The following DSG2 variants were observed in gnomAD, a reference collection of about 807,000 sequenced individuals.
The protein encoded by DSG2 is desmoglein 2.
DSG2 carries 45 observed loss-of-function variants against 75.6 expected under a neutral mutation model. That is an observed-to-expected ratio of 0.60 (90% CI 0.47 to 0.76). The LOEUF is 0.76. DSG2 is among the 30% of genes least tolerant of loss of function. The probability of loss-of-function intolerance (pLI) is 0.00; values close to 1 mark genes in which losing one functional copy is unlikely to be tolerated. For synonymous variants in DSG2, 429 were observed against 483.9 expected, an observed-to-expected ratio of 0.89 and a Z score of 1.49; for missense variants, 1,267 against 1,357.4, an observed-to-expected ratio of 0.93 and a Z score of 1.05.
rs576404380 is a variant in DSG2, at chr18:31,535,365, A to G, written c.1376A>G (p.Tyr459Cys). 853 of 1,612,140 alleles carry G rather than the reference A, an allele frequency of 5.3e-4. 20 individuals carry two copies. The South Asian group carries it at 9.0e-3, about 17-fold the overall frequency. Residue 459 changes from tyrosine (Y) to cysteine (C), a missense_variant, in exon 10 of 15, where the codon TAT (tyrosine) becomes TGT (cysteine). Tyr to Cys is a radical substitution (Grantham distance 194). Transcript: ENST00000261590. Reference protein sequence around the residue: ...LAKLPDFESRYVQNGTYTVKI... With the variant: ...LAKLPDFESRCVQNGTYTVKI... ...AAACTTCCTGATTTTGAATCTAGATATGTTCAAAATGGCACATACACTGTA... is the reference window on the plus strand; with the variant it reads ...AAACTTCCTGATTTTGAATCTAGATGTGTTCAAAATGGCACATACACTGTA...
intron 1 of DSG2, among the ~76,000 whole-genome samples, chr18:31,511,194 C>G (rs979321633): frequency 1.3e-5 from 2 of 152,186 alleles, no homozygotes; most frequent in African/African-American, 4.8e-5. Flanking sequence ...GTGTCTTAAC[C>G]TCGGCACTTG....
intron 3 of DSG2, 74 bp from the exon 4 acceptor site, chr18:31,520,729 G>A (rs557081887): frequency 6.7e-7 from 1 of 1,482,750 alleles, no homozygotes. Flanking sequence ...TCACTTCTTA[G>A]GCTTTTGGCT....
At position 31,522,121 on chromosome 18, in the gene DSG2, G is replaced by A. The variant is rs763948986; in HGVS notation, c.562G>A (p.Glu188Lys). The A allele has an allele frequency of 8.1e-6, 13 of 1,613,718 alleles. No individual in the cohort carries two copies. The highest frequency in any genetic ancestry group is 1.1e-5 in the Non-Finnish European group (13 of 1,179,832). Reference protein sequence around the residue: ...VMKINATDADEPNTLNSKISY... With the variant: ...VMKINATDADKPNTLNSKISY... ...GAAAATCAATGCAACAGATGCAGAT[G>A]AGCCCAATACCCTGAATTCGAAAAT... is the stretch of plus-strand genomic sequence containing the variant. Residue 188 changes from glutamate (E) to lysine (K), a missense_variant, in exon 6 of 15, where the codon GAG becomes AAG. By Grantham distance (56) the Glu-to-Lys change is moderately conservative. Transcript: ENST00000261590.
In DSG2 at chr18:31,535,933, G is replaced by A. The variant is rs540618291; in HGVS notation, c.1424-269G>A. On this transcript the variant is annotated intron_variant, in intron 10 of 14. Transcript: ENST00000261590. ...ACACCATCTTCAAAAAAAAATTGAG[G>A]GGTAGATAAAATTTAAAAATAGATG... Among the ~76,000 whole-genome samples the A allele has an allele frequency of 3.6e-3, 544 of 151,986 alleles. 1 individual carries two copies. Among genetic ancestry groups the A allele is most frequent in the Non-Finnish European group, 5.5e-3 (372 of 67,960 alleles).
intron 14 of DSG2, among the ~76,000 whole-genome samples, chr18:31,545,013 AG>A (rs2073295397): frequency 6.6e-6 from 1 of 152,156 alleles, no homozygotes; most frequent in South Asian, 2.1e-4. Context: ...CCCACCTTCA[AG>A]TATTAGCTTA....
intron 7 of DSG2, 54 bp downstream of exon 7, chr18:31,524,639 T>G: frequency 1.2e-6 from 2 of 1,601,296 alleles, no homozygotes; most frequent in Non-Finnish European, 8.5e-7. Flanking sequence ...TCAGTCCTAA[T>G]TAAAAATATA....
At chr18:31,545,635 A>G in intron 14 of DSG2, 86 bp from the exon 15 acceptor site, 4 of 1,465,746 alleles carry the variant, frequency 2.7e-6, no homozygotes, top group Non-Finnish European at 2.8e-6. Context: ...CATTTTGAAC[A>G]GGAATATAGA....
rs531272575 is a variant in DSG2, at chr18:31,548,276, G to A, written c.*1533G>A. The stretch of plus-strand genomic sequence containing the variant: ...CTAGAAACAATGTTTCAAAATATAT[G>A]TGCATTATCAGTAATAATTTGTATA... On this transcript the variant is annotated 3_prime_UTR_variant, in exon 15 of 15. Coordinates refer to ENST00000261590, the MANE Select transcript of DSG2 (RefSeq NM_001943.5). The A allele has an allele frequency of 6.6e-6, 1 of 152,240 alleles. No individual in the cohort carries two copies. The highest frequency in any genetic ancestry group is 2.1e-4 in the South Asian group (1 of 4,830). 9.4% of individuals were successfully genotyped at this position (152,240 alleles called of 1,614,324 possible).
In DSG2 at chr18:31,526,649, G is replaced by A. The variant is rs12327220; in HGVS notation, c.1014+1761G>A. 3.6e-3 allele frequency among the ~76,000 whole-genome samples: 548 copies of A among 152,048 alleles called. 2 individuals carry two copies. Among genetic ancestry groups the A allele is most frequent in the African/African-American group, 0.012 (517 of 41,486 alleles). On this transcript the variant is annotated intron_variant, in intron 8 of 14. Coordinates refer to ENST00000261590, the MANE Select transcript of DSG2 (RefSeq NM_001943.5). ...TGAGATAGAAAAGCCAATTATACAC[G>A]CAAGGAGAAACAGTCAGATATTGAT...
At chr18:31,519,441 G>A (rs2073113879) in intron 2 of DSG2, among the ~76,000 whole-genome samples, 1 of 152,134 alleles carries the variant, frequency 6.6e-6, no homozygotes, top group Admixed American at 6.5e-5. Flanking sequence ...GTGCATGCCT[G>A]TAATCCCAGC....
intron 1 of DSG2, among the ~76,000 whole-genome samples, chr18:31,512,371 A>G (rs1410661701): frequency 6.6e-6 from 1 of 152,106 alleles, no homozygotes; most frequent in Non-Finnish European, 1.5e-5. Flanking sequence ...AACACTGGAG[A>G]TATCTACTTT....
At chr18:31,509,383 T>C (rs1482964820) in intron 1 of DSG2, among the ~76,000 whole-genome samples, 3 of 152,110 alleles carry the variant, frequency 2.0e-5, no homozygotes, top group African/African-American at 7.2e-5. Context: ...TTTATTATTA[T>C]CTAAAGTTCA....
intron 1 of DSG2, among the ~76,000 whole-genome samples, chr18:31,506,227 G>A (rs1292456790): frequency 1.3e-5 from 2 of 152,070 alleles, no homozygotes; most frequent in African/African-American, 4.8e-5. Flanking sequence ...AGGCATCATC[G>A]TGAATTCCCC....
intron 14 of DSG2, chr18:31,543,112 T>G: frequency 5.6e-6 from 2 of 359,492 alleles, no homozygotes. Context: ...AGTTATGTTT[T>G]TGCCAGTCAG....
Position 31,541,289 on chromosome 18 carries a change from A to T in DSG2, c.1976A>T (p.Asn659Ile), listed in dbSNP as rs747767583. The T allele has an allele frequency of 6.2e-7, 1 of 1,614,100 alleles. No individual in the cohort carries two copies. Among genetic ancestry groups the T allele is most frequent in the Admixed American group, 1.7e-5 (1 of 60,018 alleles). ...GTIEMLHPWN[N>I]EGAPPEDKVV... ...ATAGAGATGCTGCATCCTTGGAATAATGAAGGAGCACCACCTGAAGACAAG... is the reference window on the plus strand; with the variant it reads ...ATAGAGATGCTGCATCCTTGGAATATTGAAGGAGCACCACCTGAAGACAAG... Residue 659 changes from asparagine to isoleucine, a missense_variant, in exon 13 of 15, where the codon AAT (asparagine) becomes ATT (isoleucine). Transcript: ENST00000261590.
At chr18:31,524,961 T>C (rs1598813225) in intron 8 of DSG2, 73 bp downstream of exon 8, 1 of 1,422,004 alleles carries the variant, frequency 7.0e-7, no homozygotes, top group East Asian at 2.3e-5. Context: ...TTTTGAGCCC[T>C]GAACACTTAA....
chr18:31,536,181 T>G (rs1270415099), intron 10 of DSG2, 21 bp from the exon 11 acceptor site: 12 of 1,610,614 alleles, frequency 7.5e-6, no homozygotes, highest in Non-Finnish European at 1.0e-5. Context: ...ATGTACATAC[T>G]TTTTCTCTCT....
At chr18:31,536,940 G>A (rs1194405174) in intron 11 of DSG2, among the ~76,000 whole-genome samples, 1 of 152,130 alleles carries the variant, frequency 6.6e-6, no homozygotes, top group Non-Finnish European at 1.5e-5. Flanking sequence ...ACATAACAGG[G>A]GAGTTATCTG....
chr18:31,548,045 G>A lies in DSG2; in HGVS notation c.*1302G>A, dbSNP rs1242019453. 2 of 152,126 alleles carry A rather than the reference G, an allele frequency of 1.3e-5. No individual in the cohort carries two copies. The highest frequency in any genetic ancestry group is 2.9e-5 in the Non-Finnish European group (2 of 68,020). The allele number at this position is 152,126 out of a possible 1,614,324, so 9.4% of individuals were successfully genotyped here. A position where few individuals can be genotyped will look rare whatever the true frequency, so the allele number is the denominator to read the frequency against. ...ATTGCCAAAAATCTCAAAAGGCCCT[G>A]TATTTATGTAATTCTTTGAAATTAT... is the stretch of plus-strand genomic sequence containing the variant. On this transcript the variant is annotated 3_prime_UTR_variant, in exon 15 of 15. Transcript: ENST00000261590.
Sources: gnomAD v4.1 joint callset for allele counts (sites outside exome capture counted in the v4.1 genomes callset) on GRCh38, gnomAD v4.1.1 for gene constraint, MANE v1.5 for transcripts, NCBI Gene and HGNC (gene_info 2026-07-23, HGNC 2026-07-21) for gene names.